STEAP4: variants seen among roughly 807,000 people sequenced by gnomAD.
STEAP4 encodes STEAP4 metalloreductase.
A neutral mutation model predicts 43.6 loss-of-function variants in STEAP4; 36 were observed. The observed-to-expected ratio is 0.83, with a 90% CI of 0.63 to 1.09. STEAP4 has a LOEUF of 1.09. Ranked by LOEUF, STEAP4 falls within the 50% of genes least tolerant of loss-of-function variation. The pLI is 0.00. For synonymous variants in STEAP4, 191 were observed against 196.7 expected, an observed-to-expected ratio of 0.97 and a Z score of 0.24; for missense variants, 495 against 546.5, an observed-to-expected ratio of 0.91 and a Z score of 0.94.
In STEAP4 at chr7:88,279,610, T is replaced by G; in HGVS notation, c.1168A>C (p.Thr390Pro). The G allele has an allele frequency of 6.2e-7, 1 of 1,613,098 alleles. No individual in the cohort carries two copies. The highest frequency in any genetic ancestry group is 8.5e-7 in the Non-Finnish European group (1 of 1,179,514). Residue 390 changes from threonine to proline, a missense_variant, in exon 5 of 5, where the codon ACC (threonine) becomes CCC (proline). Thr to Pro is a conservative substitution (Grantham distance 38). Transcript: ENST00000380079. Reference protein sequence around the residue: ...RFVQSKLGYLTLILCTAHTLV... With the variant: ...RFVQSKLGYLPLILCTAHTLV... ...GTGTGGGCTGTACACAAGATCAGGG[T>G]CAAATAACCCAGTTTGGACTATAAA...
In STEAP4 at chr7:88,277,322, A is replaced by T. The variant is rs1467678763; in HGVS notation, c.*2076T>A. On this transcript the variant is annotated 3_prime_UTR_variant, in exon 5 of 5. Coordinates refer to ENST00000380079, the MANE Select transcript of STEAP4 (RefSeq NM_024636.4). ...AGCGTGTGTTCTGTGTACCTTTGCAACCAGTTATAAATAAACGCAAATTGA... is the reference window on the plus strand; with the variant it reads ...AGCGTGTGTTCTGTGTACCTTTGCATCCAGTTATAAATAAACGCAAATTGA... 6.6e-6 allele frequency: 1 copy of T among 152,178 alleles called. No individual in the cohort carries two copies. Among genetic ancestry groups the T allele is most frequent in the South Asian group, 2.1e-4 (1 of 4,832 alleles). The allele number at this position is 152,178 out of a possible 1,614,324, so 9.4% of individuals were successfully genotyped here.
chr7:88,294,907 A>T (rs1030663691), intron 1 of STEAP4, among the ~76,000 whole-genome samples: 2 of 152,192 alleles, frequency 1.3e-5, no homozygotes, highest in Admixed American at 1.3e-4. Context: ...CACACAAAGT[A>T]TACAAATGAA....
chr7:88,304,434 A>AAAAC (rs912127844), intron 1 of STEAP4: 2 of 151,562 alleles, frequency 1.3e-5, no homozygotes, highest in Admixed American at 6.5e-5. Context: ...TTACAACAAA[A>AAAAC]AAACAAACAA....
At chr7:88,301,326 T>C (rs1853029287) in intron 1 of STEAP4, among the ~76,000 whole-genome samples, 1 of 152,120 alleles carries the variant, frequency 6.6e-6, no homozygotes, top group Non-Finnish European at 1.5e-5. Flanking sequence ...CAGGCAGGAG[T>C]GCAGTGGCAT....
In STEAP4 at chr7:88,279,169, G is replaced by A. The variant is rs9655960; in HGVS notation, c.*229C>T. The A allele has an allele frequency of 1.9e-3, 972 of 518,824 alleles. 2 individuals carry two copies. The highest frequency in any genetic ancestry group is 0.018 in the African/African-American group (914 of 52,226). 32.1% of individuals were successfully genotyped at this position (518,824 alleles called of 1,614,324 possible). On this transcript the variant is annotated 3_prime_UTR_variant, in exon 5 of 5. Coordinates refer to ENST00000380079, the MANE Select transcript of STEAP4 (RefSeq NM_024636.4). ...AGCTCCATGGCCTCTGGGAAAATAA[G>A]AGTCAGGGACCTGCACTGATTCTTC...
chr7:88,279,765 T>G lies in STEAP4; in HGVS notation c.1150-137A>C, dbSNP rs537545959. 49 of 689,576 alleles carry G rather than the reference T, an allele frequency of 7.1e-5. No homozygotes were observed. In the Middle Eastern group the frequency reaches 1.6e-3, roughly 23 times the overall value. 42.7% of individuals were successfully genotyped at this position (689,576 alleles called of 1,614,324 possible). A position where few individuals can be genotyped will look rare whatever the true frequency, so the allele number is the denominator to read the frequency against. ...ATGTTTAGGACACTTTGCCAAGTAC[T>G]GAAAAAAAGCACTAACCCTTCTTCA... On this transcript the variant is annotated intron_variant, in intron 4 of 4. Coordinates refer to ENST00000380079, the MANE Select transcript of STEAP4 (RefSeq NM_024636.4).
intron 1 of STEAP4, 145 bp from the exon 2 acceptor site, chr7:88,284,416 T>A: frequency 1.5e-6 from 1 of 651,152 alleles, no homozygotes; most frequent in Non-Finnish European, 2.4e-6. Flanking sequence ...TTGGAAGGAG[T>A]AAAAATTGTC....
rs567366207 is a variant in STEAP4 at position 88,277,458 on chromosome 7, A to G, written c.*1940T>C. On this transcript the variant is annotated 3_prime_UTR_variant, in exon 5 of 5. Coordinates refer to ENST00000380079, the MANE Select transcript of STEAP4 (RefSeq NM_024636.4). The stretch of plus-strand genomic sequence containing the variant: ...GCTTGGCAACATTATCAGTGCAAAG[A>G]TATTATCTGAAATGTTATTTATTTT... The G allele has an allele frequency of 6.3e-4, 96 of 152,356 alleles. No individual in the cohort carries two copies. The highest frequency in any genetic ancestry group is 2.0e-3 in the African/African-American group (85 of 41,574). 9.4% of individuals were successfully genotyped at this position (152,356 alleles called of 1,614,324 possible). A position where few individuals can be genotyped will look rare whatever the true frequency, so the allele number is the denominator to read the frequency against.
intron 1 of STEAP4, among the ~76,000 whole-genome samples, chr7:88,305,648 C>T (rs1853117209): frequency 6.6e-6 from 1 of 152,190 alleles, no homozygotes; most frequent in African/African-American, 2.4e-5. Flanking sequence ...CCCCCGACAA[C>T]TGGAGAGTTT....
intron 1 of STEAP4, among the ~76,000 whole-genome samples, chr7:88,305,241 A>T (rs1459359407): frequency 1.3e-5 from 2 of 152,200 alleles, no homozygotes; most frequent in Non-Finnish European, 2.9e-5. Flanking sequence ...TTCTCTGTAC[A>T]CATGTACCAT....
chr7:88,296,222 G>A (rs1190350867), intron 1 of STEAP4, among the ~76,000 whole-genome samples: 1 of 152,152 alleles, frequency 6.6e-6, no homozygotes, highest in East Asian at 1.9e-4. Context: ...AATCAGTTGG[G>A]TGAAGCCATT....
chr7:88,274,035 G>T lies in STEAP4; in HGVS notation c.*5363C>A, dbSNP rs942062975. 4.6e-5 allele frequency: 7 copies of T among 152,182 alleles called. No homozygotes were observed. Among genetic ancestry groups the T allele is most frequent in the Non-Finnish European group, 2.9e-5 (2 of 68,044 alleles). The allele number at this position is 152,182 out of a possible 1,614,324, so 9.4% of individuals were successfully genotyped here. A position where few individuals can be genotyped will look rare whatever the true frequency, so the allele number is the denominator to read the frequency against. On this transcript the variant is annotated 3_prime_UTR_variant, in exon 5 of 5. Coordinates refer to ENST00000380079, the MANE Select transcript of STEAP4 (RefSeq NM_024636.4). ...TTAGTCTATTTTGTGGATTCAAAGGGACATTTAAGAGGACAGCATGGGTGT... is the reference window on the plus strand; with the variant it reads ...TTAGTCTATTTTGTGGATTCAAAGGTACATTTAAGAGGACAGCATGGGTGT...
At chr7:88,291,963 G>A (rs927044790) in intron 1 of STEAP4, among the ~76,000 whole-genome samples, 72 of 152,270 alleles carry the variant, frequency 4.7e-4, no homozygotes, top group Non-Finnish European at 8.8e-5. Context: ...GCCAAGATGC[G>A]TAAAGTGATC....
At chr7:88,302,598 A>C (rs1853053875) in intron 1 of STEAP4, among the ~76,000 whole-genome samples, 1 of 152,166 alleles carries the variant, frequency 6.6e-6, no homozygotes, top group Non-Finnish European at 1.5e-5. Context: ...TACGCTCCAC[A>C]GTGCTGGTGC....
chr7:88,274,713 C>T lies in STEAP4; in HGVS notation c.*4685G>A, dbSNP rs1400279068. 1.3e-5 allele frequency: 2 copies of T among 152,134 alleles called. No homozygotes were observed. The highest frequency in any genetic ancestry group is 6.5e-5 in the Admixed American group (1 of 15,278). 9.4% of individuals were successfully genotyped at this position (152,134 alleles called of 1,614,324 possible). ...GTTATAGTTATTTCTTGATTATATG[C>T]TAAACAAGGGATGGATTATTCATGA... On this transcript the variant is annotated 3_prime_UTR_variant, in exon 5 of 5. Coordinates refer to ENST00000380079, the MANE Select transcript of STEAP4 (RefSeq NM_024636.4).
chr7:88,297,575 G>A (rs1852943701), intron 1 of STEAP4, among the ~76,000 whole-genome samples: 1 of 151,964 alleles, frequency 6.6e-6, no homozygotes, highest in Non-Finnish European at 1.5e-5. Context: ...GCAATATTTG[G>A]GACACATTTG....
chr7:88,289,057 TGC>T (rs933354537), intron 1 of STEAP4, among the ~76,000 whole-genome samples: 1 of 148,428 alleles, frequency 6.7e-6, no homozygotes, highest in Non-Finnish European at 1.5e-5. Context: ...GGTGCATGCA[TGC>T]GCGTGTGTGT....
chr7:88,286,104 C>G (rs937408771), intron 1 of STEAP4, among the ~76,000 whole-genome samples: 1 of 152,152 alleles, frequency 6.6e-6, no homozygotes, highest in African/African-American at 2.4e-5. Flanking sequence ...ATAAAACCAT[C>G]TCCTAAAGAG....
In STEAP4 at chr7:88,275,695, T is replaced by A. The variant is rs1198145850; in HGVS notation, c.*3703A>T. 1 of 152,290 alleles carries A rather than the reference T, an allele frequency of 6.6e-6. No individual in the cohort carries two copies. Among genetic ancestry groups the A allele is most frequent in the Non-Finnish European group, 1.5e-5 (1 of 68,306 alleles). 9.4% of individuals were successfully genotyped at this position (152,290 alleles called of 1,614,324 possible). A position where few individuals can be genotyped will look rare whatever the true frequency, so the allele number is the denominator to read the frequency against. ...GATGGAGAATGAAAATTGCAACTAC[T>A]GTGTGCAGTACCATGACTGCCATTA... is the stretch of plus-strand genomic sequence containing the variant. On this transcript the variant is annotated 3_prime_UTR_variant, in exon 5 of 5. Coordinates refer to ENST00000380079, the MANE Select transcript of STEAP4 (RefSeq NM_024636.4).
Sources: allele counts gnomAD v4.1 joint callset (sites outside exome capture counted in the v4.1 genomes callset), GRCh38; gene constraint gnomAD v4.1.1; transcripts MANE v1.5; gene names NCBI Gene and HGNC (gene_info 2026-07-23, HGNC 2026-07-21).